RAB33A: variants seen among roughly 807,000 people sequenced by gnomAD.
RAB33A encodes the protein ras-related protein Rab-33A.
Under a neutral mutation model 12.0 loss-of-function variants are expected in RAB33A, and 6 were observed. That is an observed-to-expected ratio of 0.50 (90% confidence interval 0.27 to 0.99). RAB33A has a LOEUF of 0.99. Ranked by LOEUF, RAB33A falls within the 50% of genes least tolerant of loss-of-function variation. RAB33A has a pLI of 0.11. For missense variants in RAB33A, 109 were observed against 192.0 expected (o/e 0.57, Z 2.55); for synonymous variants, 70 against 82.4 (o/e 0.85, Z 0.81).
upstream of RAB33A, among the ~76,000 whole-genome samples, chrX:130,169,127 G>T (rs12863417): frequency 3.8e-3 from 405 of 107,568 alleles, 1 homozygote; most frequent in African/African-American, 0.013. Flanking sequence ...AGAATGGCGT[G>T]AACCTGGGAG....
At chrX:130,159,044 T>C in the RAB33A span, among the ~76,000 whole-genome samples, 1 of 111,938 alleles carries the variant, frequency 8.9e-6, no homozygotes, top group Non-Finnish European at 1.9e-5. Flanking sequence ...CTTAAGTATA[T>C]GGGGCATATA....
At position 130,172,380 on chromosome X, in the gene RAB33A, A is replaced by G. The variant is rs1291030339; in HGVS notation, c.258+60A>G. On this transcript the variant is annotated intron_variant, in intron 1 of 1. Transcript: ENST00000257017. ...CCCGGGAGGGGACCTCGCCCGAGGC[A>G]TAGCTCTAGCGGTTGTCGTCGTCCA... 3 of 1,144,341 alleles carry G rather than the reference A, an allele frequency of 2.6e-6. No individual in the cohort carries two copies. The East Asian group carries it at 9.0e-5, about 34-fold the overall frequency. 94.3% of individuals were successfully genotyped at this position (1,144,341 alleles called of 1,213,427 possible).
chrX:130,129,409 A>G, the RAB33A span: 3 of 517,044 alleles, frequency 5.8e-6, no homozygotes, highest in Non-Finnish European at 1.0e-5. Flanking sequence ...AACATTAAGA[A>G]TTTACCTACA....
At chrX:130,182,196 C>T (rs1474313967) in intron 1 of RAB33A, among the ~76,000 whole-genome samples, 1 of 64,628 alleles carries the variant, frequency 1.5e-5, no homozygotes, top group Admixed American at 2.0e-4. Flanking sequence ...ATATATATAA[C>T]ATATATACAC....
the RAB33A span, among the ~76,000 whole-genome samples, chrX:130,163,664 G>GA: frequency 2.7e-5 from 3 of 112,042 alleles, no homozygotes; most frequent in African/African-American, 9.7e-5. Flanking sequence ...ACATGCAGTG[G>GA]AAAAAACCAT....
chrX:130,121,378 G>A, the RAB33A span, among the ~76,000 whole-genome samples: 22 of 107,939 alleles, frequency 2.0e-4, no homozygotes, highest in African/African-American at 7.1e-4. Context: ...AGCCTCCGGA[G>A]TAGCTCGAAT....
chrX:130,145,709 T>C, the RAB33A span: 1 of 501,945 alleles, frequency 2.0e-6, no homozygotes. Context: ...TATTAAATCA[T>C]GGTCATGACT....
In RAB33A at chrX:130,172,027, C is replaced by T. The variant is rs1470091755; in HGVS notation, c.-36C>T. 9 of 1,177,453 alleles carry T rather than the reference C, an allele frequency of 7.6e-6. No homozygotes were observed. The highest frequency in any genetic ancestry group is 2.4e-5 in the Admixed American group (1 of 41,471). ...GGACGTTCTCTTTGTGTGGAGCCCT[C>T]AAGGGGGGTTGGGGCCCCGGTTCGG... On this transcript the variant is annotated 5_prime_UTR_variant, in exon 1 of 2. Transcript: ENST00000257017.
the RAB33A span, among the ~76,000 whole-genome samples, chrX:130,148,980 AGC>A: frequency 1.1e-5 from 1 of 91,271 alleles, no homozygotes; most frequent in African/African-American, 4.3e-5. Flanking sequence ...GGAGTGCAGC[AGC>A]GTGATCTTGG....
At chrX:130,153,352 CAAAAAAAAAAA>C in the RAB33A span, among the ~76,000 whole-genome samples, 2 of 42,860 alleles carry the variant, frequency 4.7e-5, no homozygotes, top group Non-Finnish European at 8.0e-5. Context: ...GACTCCGTTT[CAAAAAAAAAAA>C]AAAAAAAAAA....
chrX:130,120,191 C>T, the RAB33A span, among the ~76,000 whole-genome samples: 2 of 111,680 alleles, frequency 1.8e-5, no homozygotes, highest in Admixed American at 9.5e-5. Flanking sequence ...AAGTTTGAGC[C>T]CCAGATAAGC....
the RAB33A span, among the ~76,000 whole-genome samples, chrX:130,127,691 C>CTTTTTTTTTTTTTTTTTTTTT: frequency 1.3e-5 from 1 of 77,040 alleles, no homozygotes; most frequent in African/African-American, 5.9e-5. Context: ...ATGAGTTTTC[C>CTTTTTTTTTTTTTTTTTTTTT]TTTTTTTTTT....
chrX:130,181,520 A>G (rs1403836518), intron 1 of RAB33A, among the ~76,000 whole-genome samples: 1 of 112,416 alleles, frequency 8.9e-6, no homozygotes, highest in Non-Finnish European at 1.9e-5. Flanking sequence ...GGCTGAATGT[A>G]TATCTCCTGG....
the RAB33A span, among the ~76,000 whole-genome samples, chrX:130,117,662 C>T: frequency 8.9e-6 from 1 of 112,856 alleles, no homozygotes; most frequent in East Asian, 2.8e-4. Context: ...TCCACTGATC[C>T]CCAACTCCTA....
the RAB33A span, among the ~76,000 whole-genome samples, chrX:130,153,685 G>A: frequency 9.0e-5 from 10 of 110,509 alleles, no homozygotes; most frequent in African/African-American, 3.3e-4. Context: ...GGAAGACACC[G>A]GAGTTCCCTT....
chrX:130,132,127 C>T, the RAB33A span, among the ~76,000 whole-genome samples: 1 of 111,715 alleles, frequency 9.0e-6, no homozygotes, highest in Non-Finnish European at 1.9e-5. Context: ...CCGCCTTGGC[C>T]TCCCAAAGTG....
At chrX:130,123,294 G>A in the RAB33A span, among the ~76,000 whole-genome samples, 4 of 112,257 alleles carry the variant, frequency 3.6e-5, no homozygotes, top group African/African-American at 1.3e-4. Context: ...GCAGCACTGC[G>A]GCTGAAATCT....
chrX:130,150,939 C>G, the RAB33A span, among the ~76,000 whole-genome samples: 1 of 87,241 alleles, frequency 1.1e-5, no homozygotes, highest in Non-Finnish European at 2.2e-5. Flanking sequence ...GATCACATCA[C>G]TGCACTCCAG....
At chrX:130,182,882 C>T (rs1484184114) in intron 1 of RAB33A, among the ~76,000 whole-genome samples, 1 of 111,611 alleles carries the variant, frequency 9.0e-6, no homozygotes, top group Non-Finnish European at 1.9e-5. Flanking sequence ...TGCATAATAT[C>T]CCACTGTACG....
Sources: allele counts gnomAD v4.1 joint callset (sites outside exome capture counted in the v4.1 genomes callset), GRCh38; gene constraint gnomAD v4.1.1; transcripts MANE v1.5; gene names NCBI Gene and HGNC (gene_info 2026-07-23, HGNC 2026-07-21).